Variants in NXPE2 observed in about 807,000 individuals in gnomAD.
NXPE2 encodes neurexophilin and PC-esterase domain family member 2.
In NXPE2, 34 loss-of-function variants were observed where a neutral mutation model predicts 34.4. The observed-to-expected ratio is 0.99, with a 90% confidence interval of 0.75 to 1.31. NXPE2 has a LOEUF of 1.31. Among genes scored for constraint, NXPE2 ranks in the 40% most tolerant of loss-of-function variants. NXPE2 has a pLI of 0.00. For synonymous variants in NXPE2, 235 were observed against 231.3 expected, an observed-to-expected ratio of 1.02 and a Z score of -0.15; for missense variants, 649 against 672.5, an observed-to-expected ratio of 0.97 and a Z score of 0.39.
chr11:114,663,610 T>TATC, the NXPE2 span, among the ~76,000 whole-genome samples: 2 of 98,244 alleles, frequency 2.0e-5, no homozygotes, highest in East Asian at 3.7e-4. Flanking sequence ...TCTATCTATC[T>TATC]ATCTATCTAT....
chr11:114,527,983 A>G, the NXPE2 span: 2 of 1,037,618 alleles, frequency 1.9e-6, no homozygotes, highest in Middle Eastern at 2.1e-4. Context: ...TGAGTGAAGG[A>G]AAATTTTTAG....
chr11:114,693,445 T>G (rs965654031), intron 2 of NXPE2, among the ~76,000 whole-genome samples: 1 of 152,210 alleles, frequency 6.6e-6, no homozygotes, highest in Non-Finnish European at 1.5e-5. Flanking sequence ...AATTTAATTA[T>G]GGACCGGACC....
the NXPE2 span, among the ~76,000 whole-genome samples, chr11:114,785,993 C>A: frequency 1.3e-5 from 2 of 152,138 alleles, no homozygotes; most frequent in Non-Finnish European, 2.9e-5. Context: ...AAGAAGACAC[C>A]TGTTCAACTG....
At chr11:114,790,449 C>T in the NXPE2 span, among the ~76,000 whole-genome samples, 3 of 152,240 alleles carry the variant, frequency 2.0e-5, no homozygotes, top group Non-Finnish European at 4.4e-5. Context: ...AGAAGTTACA[C>T]ACCTTGCTGA....
chr11:114,481,190 CTG>C, the NXPE2 span, among the ~76,000 whole-genome samples: 1 of 152,158 alleles, frequency 6.6e-6, no homozygotes, highest in Admixed American at 6.6e-5. Context: ...AGGCTTAAAA[CTG>C]TGATGTAATA....
intron 2 of NXPE2, among the ~76,000 whole-genome samples, chr11:114,690,981 AT>A (rs1466050824): frequency 6.6e-6 from 1 of 151,748 alleles, no homozygotes; most frequent in African/African-American, 2.4e-5. Context: ...ATCTTGGATC[AT>A]TTTTTCTGGC....
At chr11:114,577,008 GTTAT>G in the NXPE2 span, among the ~76,000 whole-genome samples, 1 of 10,442 alleles carries the variant, frequency 9.6e-5, no homozygotes, top group African/African-American at 4.5e-4. Flanking sequence ...TATATATAAA[GTTAT>G]ATATATATAT....
the NXPE2 span, among the ~76,000 whole-genome samples, chr11:114,620,568 C>T: frequency 1.6e-4 from 24 of 151,822 alleles, no homozygotes; most frequent in East Asian, 3.9e-4. Context: ...CACTGTTACG[C>T]GGTGGATAAT....
chr11:114,791,182 A>G, the NXPE2 span, among the ~76,000 whole-genome samples: 5 of 145,478 alleles, frequency 3.4e-5, no homozygotes, highest in African/African-American at 5.3e-5. Context: ...ATTCCGTTTG[A>G]AAAAAAAAAA....
At chr11:114,579,744 G>C in the NXPE2 span, among the ~76,000 whole-genome samples, 6 of 152,200 alleles carry the variant, frequency 3.9e-5, no homozygotes, top group East Asian at 1.2e-3. Flanking sequence ...ACCCAGATAG[G>C]AGGTAGAGAA....
chr11:114,580,276 G>T, the NXPE2 span: 1 of 1,613,934 alleles, frequency 6.2e-7, no homozygotes, highest in Non-Finnish European at 8.5e-7. Flanking sequence ...CTCCAGACAT[G>T]CCCACTGGGG....
the NXPE2 span, among the ~76,000 whole-genome samples, chr11:114,786,501 G>A: frequency 6.6e-6 from 1 of 152,084 alleles, no homozygotes; most frequent in Non-Finnish European, 1.5e-5. Flanking sequence ...ATTAATATCA[G>A]TAGAATGCCA....
intron 2 of NXPE2, among the ~76,000 whole-genome samples, chr11:114,684,144 G>A (rs1467224510): frequency 6.6e-6 from 1 of 152,054 alleles, no homozygotes; most frequent in African/African-American, 2.4e-5. Context: ...ATAGATTTAG[G>A]AGGCCAGGCC....
the NXPE2 span, among the ~76,000 whole-genome samples, chr11:114,603,037 C>A: frequency 6.6e-6 from 1 of 150,836 alleles, no homozygotes; most frequent in African/African-American, 2.4e-5. Context: ...TAATACGGAA[C>A]CGTATATAAT....
the NXPE2 span, among the ~76,000 whole-genome samples, chr11:114,663,272 G>A: frequency 3.3e-5 from 5 of 152,148 alleles, no homozygotes; most frequent in African/African-American, 4.8e-5. Flanking sequence ...CAACTCAGCC[G>A]CAGTACAGTA....
intron 2 of NXPE2, among the ~76,000 whole-genome samples, chr11:114,688,887 A>T (rs560158270): frequency 1.1e-4 from 16 of 152,176 alleles, no homozygotes; most frequent in Admixed American, 3.3e-4. Flanking sequence ...ACATAGAAAT[A>T]TTCATAGTAG....
At chr11:114,580,494 GT>G in the NXPE2 span, among the ~76,000 whole-genome samples, 2 of 151,876 alleles carry the variant, frequency 1.3e-5, no homozygotes, top group African/African-American at 2.4e-5. Flanking sequence ...TGGAACAGCT[GT>G]TTTTTTAATA....
At chr11:114,640,640 A>G in the NXPE2 span, among the ~76,000 whole-genome samples, 185 of 152,026 alleles carry the variant, frequency 1.2e-3, 1 homozygote, top group African/African-American at 4.2e-3. Flanking sequence ...CTTTTTAATA[A>G]TGGCCATTCT....
At chr11:114,628,455 A>T in the NXPE2 span, among the ~76,000 whole-genome samples, 1 of 152,184 alleles carries the variant, frequency 6.6e-6, no homozygotes, top group Non-Finnish European at 1.5e-5. Context: ...AGAAATAAAG[A>T]TGTTCTTTGA....
Sources: allele counts gnomAD v4.1 joint callset (sites outside exome capture counted in the v4.1 genomes callset), GRCh38; gene constraint gnomAD v4.1.1; transcripts MANE v1.5; gene names NCBI Gene and HGNC (gene_info 2026-07-23, HGNC 2026-07-21).